Variants in NPAS3 observed in about 807,000 individuals in gnomAD.
NPAS3 encodes the protein neuronal PAS domain protein 3, also known as neuronal PAS domain-containing protein 3.
In NPAS3, 14 loss-of-function variants were observed where a neutral mutation model predicts 73.1. The observed-to-expected ratio is 0.19, with a 90% CI of 0.13 to 0.30. NPAS3 has a LOEUF of 0.30. NPAS3 is among the 10% of genes least tolerant of loss of function. NPAS3 has a pLI of 1.00. For missense variants in NPAS3, 1,096 were observed against 1,250.0 expected, an observed-to-expected ratio of 0.88 and a Z score of 1.86; for synonymous variants, 620 against 541.5, an observed-to-expected ratio of 1.14 and a Z score of -2.01.
At chr14:33,277,007 G>A (rs1244093284) in intron 3 of NPAS3, among the ~76,000 whole-genome samples, 2 of 152,062 alleles carry the variant, frequency 1.3e-5, no homozygotes, top group African/African-American at 4.8e-5. Context: ...CATTCTAGCA[G>A]AGAGAAATAG....
At chr14:33,147,844 A>G (rs1436595868) in intron 2 of NPAS3, among the ~76,000 whole-genome samples, 1 of 151,262 alleles carries the variant, frequency 6.6e-6, no homozygotes. Flanking sequence ...TAGAAGATGA[A>G]AATTTTATAG....
chr14:33,644,241 A>C (rs2058758071), intron 5 of NPAS3, among the ~76,000 whole-genome samples: 2 of 152,252 alleles, frequency 1.3e-5, no homozygotes, highest in South Asian at 4.1e-4. Context: ...ATATTGACTA[A>C]AATCTCATAA....
At chr14:33,192,978 G>C (rs1474842281) in intron 2 of NPAS3, among the ~76,000 whole-genome samples, 1 of 152,280 alleles carries the variant, frequency 6.6e-6, no homozygotes, top group East Asian at 1.9e-4. Flanking sequence ...CCTATACCCT[G>C]AAAACATACA....
chr14:33,799,696 C>G, intron 11 of NPAS3, 38 bp from the exon 12 acceptor site: 1 of 1,544,768 alleles, frequency 6.5e-7, no homozygotes, highest in Non-Finnish European at 8.7e-7. Flanking sequence ...TCTCTTCTCT[C>G]TCCGCCCCCG....
intron 1 of NPAS3, among the ~76,000 whole-genome samples, chr14:33,040,571 G>A (rs1029417049): frequency 4.0e-5 from 6 of 151,596 alleles, no homozygotes; most frequent in Admixed American, 2.6e-4. Flanking sequence ...TTTAATACCC[G>A]CCCCCCACAG....
At chr14:33,261,720 T>TTG (rs1461479353) in intron 3 of NPAS3, among the ~76,000 whole-genome samples, 1 of 152,194 alleles carries the variant, frequency 6.6e-6, no homozygotes, top group Non-Finnish European at 1.5e-5. Context: ...GTCAAAGTAA[T>TTG]TTTCCTCCAA....
intron 2 of NPAS3, among the ~76,000 whole-genome samples, chr14:33,202,745 G>T (rs189618797): frequency 5.2e-4 from 77 of 149,094 alleles, no homozygotes; most frequent in Non-Finnish European, 8.9e-4. Context: ...CCACATGTAT[G>T]ATTTCTTCTG....
intron 1 of NPAS3, among the ~76,000 whole-genome samples, chr14:33,047,097 G>A (rs941092256): frequency 5.3e-5 from 8 of 152,166 alleles, no homozygotes; most frequent in African/African-American, 1.2e-4. Context: ...ATTGGGAGTC[G>A]TTGGCATATA....
At chr14:33,726,582 G>T (rs777411903) in intron 6 of NPAS3, among the ~76,000 whole-genome samples, 2 of 152,056 alleles carry the variant, frequency 1.3e-5, no homozygotes, top group Non-Finnish European at 2.9e-5. Flanking sequence ...CCAAAATGTG[G>T]CTCCCATCAC....
intron 6 of NPAS3, among the ~76,000 whole-genome samples, chr14:33,716,412 G>A (rs189033004): frequency 2.0e-5 from 3 of 151,338 alleles, no homozygotes; most frequent in African/African-American, 2.4e-5. Flanking sequence ...TCTGTTTTTT[G>A]TCTCATTAGT....
At chr14:33,238,871 A>G (rs1252328894) in intron 3 of NPAS3, among the ~76,000 whole-genome samples, 1 of 151,976 alleles carries the variant, frequency 6.6e-6, no homozygotes, top group Non-Finnish European at 1.5e-5. Flanking sequence ...AATGTCTGGT[A>G]ATTTAGTCAG....
chr14:33,362,819 T>G (rs1293767953), intron 3 of NPAS3, among the ~76,000 whole-genome samples: 3 of 152,154 alleles, frequency 2.0e-5, no homozygotes, highest in Admixed American at 1.3e-4. Flanking sequence ...GAAATGATGT[T>G]TCCTATCCAC....
At chr14:33,753,666 C>A (rs2062030871) in intron 7 of NPAS3, among the ~76,000 whole-genome samples, 1 of 152,146 alleles carries the variant, frequency 6.6e-6, no homozygotes, top group African/African-American at 2.4e-5. Context: ...AAAATATATA[C>A]CCAGAAAAAT....
chr14:33,376,438 C>CT (rs962120833), intron 4 of NPAS3, among the ~76,000 whole-genome samples: 9 of 151,836 alleles, frequency 5.9e-5, no homozygotes, highest in Admixed American at 2.0e-4. Flanking sequence ...TCAGTATATG[C>CT]TTTTTTTTCC....
At chr14:33,303,137 T>A (rs1024157362) in intron 3 of NPAS3, among the ~76,000 whole-genome samples, 1 of 152,136 alleles carries the variant, frequency 6.6e-6, no homozygotes, top group Non-Finnish European at 1.5e-5. Flanking sequence ...GCCAGATATT[T>A]TTTTCCTTTT....
chr14:33,558,210 T>C (rs1158038453), intron 4 of NPAS3, among the ~76,000 whole-genome samples: 1 of 152,094 alleles, frequency 6.6e-6, no homozygotes. Flanking sequence ...TTGGGTGTCA[T>C]CCACAGTTTC....
chr14:32,940,500 TTC>T (rs2035945656), intron 1 of NPAS3, among the ~76,000 whole-genome samples: 1 of 152,210 alleles, frequency 6.6e-6, no homozygotes, highest in Non-Finnish European at 1.5e-5. Context: ...GGATATCTCT[TTC>T]TGTCTCCGAA....
chr14:33,349,156 C>T (rs1446043206), intron 3 of NPAS3, among the ~76,000 whole-genome samples: 1 of 152,154 alleles, frequency 6.6e-6, no homozygotes, highest in Non-Finnish European at 1.5e-5. Context: ...CTAACCATGT[C>T]TATAATGTCA....
intron 7 of NPAS3, among the ~76,000 whole-genome samples, chr14:33,743,481 G>C (rs2061705654): frequency 6.6e-6 from 1 of 152,108 alleles, no homozygotes; most frequent in Non-Finnish European, 1.5e-5. Context: ...CTGTCATCCA[G>C]GCTTTATTGT....
Sources: allele counts gnomAD v4.1 joint callset (sites outside exome capture counted in the v4.1 genomes callset), GRCh38; gene constraint gnomAD v4.1.1; transcripts MANE v1.5; gene names NCBI Gene and HGNC (gene_info 2026-07-23, HGNC 2026-07-21).